The following CLRN1 variants were observed in gnomAD, a reference collection of about 807,000 sequenced individuals.
CLRN1 encodes the protein clarin-1.
CLRN1 carries 15 observed loss-of-function variants against 18.7 expected under a neutral mutation model. The observed-to-expected ratio is 0.80, with a 90% CI of 0.54 to 1.23. CLRN1 has a LOEUF of 1.23. CLRN1 is among the 50% of genes most tolerant of loss of function. The pLI is 0.00. For missense variants in CLRN1, 311 were observed against 277.5 expected (o/e 1.12, Z -0.86); for synonymous variants, 104 against 102.9 (o/e 1.01, Z -0.07).
intron 1 of CLRN1, among the ~76,000 whole-genome samples, chr3:150,941,978 T>C (rs1280278888): frequency 6.6e-6 from 1 of 152,152 alleles, no homozygotes; most frequent in Admixed American, 6.5e-5. Flanking sequence ...AAAGAGGAGA[T>C]TTGAGGTAAT....
intron 1 of CLRN1, among the ~76,000 whole-genome samples, chr3:150,953,269 T>C (rs1714579300): frequency 6.6e-6 from 1 of 152,212 alleles, no homozygotes; most frequent in South Asian, 2.1e-4. Context: ...AAGGGAGTTA[T>C]TTATTACAAC....
At position 150,927,610 on chromosome 3, in the gene CLRN1, C is replaced by T; in HGVS notation, c.*326G>A. ...AATATATTCCATGTGCCTTTGATAT[C>T]TTTTTGATAGGAAGACATCTTACAC... On this transcript the variant is annotated 3_prime_UTR_variant, in exon 3 of 3. Coordinates refer to ENST00000327047, the MANE Select transcript of CLRN1 (RefSeq NM_174878.3). The T allele has an allele frequency of 2.0e-6, 1 of 496,404 alleles. No homozygotes were observed. The highest frequency in any genetic ancestry group is 3.9e-6 in the Non-Finnish European group (1 of 258,076). The allele number at this position is 496,404 out of a possible 1,614,324, so 30.7% of individuals were successfully genotyped here.
intron 2 of CLRN1, among the ~76,000 whole-genome samples, chr3:150,939,480 G>T (rs1423327098): frequency 6.6e-6 from 1 of 152,154 alleles, no homozygotes; most frequent in African/African-American, 2.4e-5. Flanking sequence ...TTGTTTGTCA[G>T]TCCACCAACA....
intron 2 of CLRN1, among the ~76,000 whole-genome samples, chr3:150,934,994 A>T (rs1228950248): frequency 6.6e-6 from 1 of 152,012 alleles, no homozygotes; most frequent in Non-Finnish European, 1.5e-5. Context: ...TGGGACACTC[A>T]TAATCTCCCA....
Position 150,928,182 on chromosome 3 carries a change from G to A in CLRN1, c.453C>T (p.Val151=), listed in dbSNP as rs760214312. The A allele has an allele frequency of 1.2e-6, 2 of 1,613,896 alleles. No individual in the cohort carries two copies. Among genetic ancestry groups the A allele is most frequent in the Admixed American group, 3.3e-5 (2 of 60,000 alleles). The change falls in exon 3 of 3, where the codon GTC becomes GTT. Residue 151 remains valine (V), a synonymous_variant. Coordinates refer to ENST00000327047, the MANE Select transcript of CLRN1 (RefSeq NM_174878.3). ...TCACTTCAGAGGCAAACAATATCAT[G>A]ACAAGACAGCCACAGGAGCCTGCAA... The part of the protein sequence containing the change: ...SFISGSCGCL[V]MILFASEVKI...
rs764099313 is a variant in CLRN1, at chr3:150,941,659, A to G, written c.356T>C (p.Phe119Ser). 1.3e-5 allele frequency: 21 copies of G among 1,614,080 alleles called. No homozygotes were observed. In the South Asian group the frequency reaches 2.2e-4, roughly 17 times the overall value. The change falls in exon 2 of 3, where the codon TTC becomes TCC. Residue 119 changes from phenylalanine to serine, a missense_variant. Phe to Ser is a radical substitution (Grantham distance 155, BLOSUM62 -2). Transcript: ENST00000327047. ...AGGTTTTCCAAAAGCATTGTACATG[A>G]AGAAGGCTGTCCCCACCATGGTTAA... ...IVLTMVGTAF[F>S]MYNAFGKPFE...
Position 150,927,800 on chromosome 3 carries a change from C to A in CLRN1, c.*136G>T, listed in dbSNP as rs768481587. On this transcript the variant is annotated 3_prime_UTR_variant, in exon 3 of 3. Transcript: ENST00000327047. ...TACTTTCCAGCCTGTATCCTTAGTA[C>A]GTAATTTGTAAACATTGTCACGAAG... The A allele has an allele frequency of 4.5e-6, 5 of 1,109,554 alleles. No individual in the cohort carries two copies. Among genetic ancestry groups the A allele is most frequent in the Non-Finnish European group, 6.8e-6 (5 of 740,528 alleles). The allele number at this position is 1,109,554 out of a possible 1,614,324, so 68.7% of individuals were successfully genotyped here. A position where few individuals can be genotyped will look rare whatever the true frequency, so the allele number is the denominator to read the frequency against.
At chr3:150,957,043 C>G (rs1360275736) in intron 1 of CLRN1, among the ~76,000 whole-genome samples, 1 of 152,138 alleles carries the variant, frequency 6.6e-6, no homozygotes, top group Non-Finnish European at 1.5e-5. Flanking sequence ...CCCAACCTTC[C>G]CTTTATTCTT....
At chr3:150,952,390 AT>A (rs985535738) in intron 1 of CLRN1, among the ~76,000 whole-genome samples, 2 of 152,264 alleles carry the variant, frequency 1.3e-5, no homozygotes, top group African/African-American at 4.8e-5. Context: ...TTGCCAGGTG[AT>A]TTGGCTCAGC....
intron 2 of CLRN1, among the ~76,000 whole-genome samples, chr3:150,929,156 T>C (rs796734443): frequency 1.3e-5 from 2 of 152,348 alleles, no homozygotes; most frequent in African/African-American, 4.8e-5. Context: ...TTATTATTTT[T>C]CCCCCTCATC....
intron 1 of CLRN1, among the ~76,000 whole-genome samples, chr3:150,943,507 T>C (rs1271523154): frequency 6.6e-6 from 1 of 152,152 alleles, no homozygotes; most frequent in Non-Finnish European, 1.5e-5. Context: ...GACCTGCCCT[T>C]CCCATTCCCT....
rs115449231 is a variant in CLRN1 at position 150,937,031 on chromosome 3, A to G, written c.433+4551T>C. Among the ~76,000 whole-genome samples the G allele has an allele frequency of 3.7e-3, 558 of 152,230 alleles. 2 individuals are homozygous for G. Among genetic ancestry groups the G allele is most frequent in the African/African-American group, 0.013 (533 of 41,540 alleles). On this transcript the variant is annotated intron_variant, in intron 2 of 2. Transcript: ENST00000327047. Reference sequence around the variant, plus strand: ...TCATAGCAACTTGTTTATCACCCTCATTGTAATTATTGCAAACTGTAATCA... The same window carrying G: ...TCATAGCAACTTGTTTATCACCCTCGTTGTAATTATTGCAAACTGTAATCA...
At chr3:150,961,131 A>AC (rs1196649712) in intron 1 of CLRN1, among the ~76,000 whole-genome samples, 4 of 151,318 alleles carry the variant, frequency 2.6e-5, no homozygotes, top group East Asian at 3.9e-4. Context: ...TGATCAGAAA[A>AC]CCCCCCAACT....
At chr3:150,942,820 C>T (rs1226209020) in intron 1 of CLRN1, among the ~76,000 whole-genome samples, 1 of 152,204 alleles carries the variant, frequency 6.6e-6, no homozygotes, top group Non-Finnish European at 1.5e-5. Flanking sequence ...ATTGCTTTGA[C>T]CTCCTGAATA....
At chr3:150,938,171 C>T (rs1713604804) in intron 2 of CLRN1, among the ~76,000 whole-genome samples, 1 of 152,182 alleles carries the variant, frequency 6.6e-6, no homozygotes, top group African/African-American at 2.4e-5. Flanking sequence ...TTTTTCTTCT[C>T]TGCTGACAGT....
intron 1 of CLRN1, among the ~76,000 whole-genome samples, chr3:150,949,532 A>T (rs1714375788): frequency 6.6e-6 from 1 of 152,190 alleles, no homozygotes; most frequent in Admixed American, 6.5e-5. Flanking sequence ...AAAAATCACT[A>T]GCATTCCTAT....
chr3:150,966,479 A>C (rs1329663560), intron 1 of CLRN1, among the ~76,000 whole-genome samples: 1 of 152,228 alleles, frequency 6.6e-6, no homozygotes, highest in East Asian at 1.9e-4. Context: ...TGGAGGAAGC[A>C]GGATGTCAGC....
chr3:150,943,572 C>T (rs1184431615), intron 1 of CLRN1, among the ~76,000 whole-genome samples: 2 of 152,224 alleles, frequency 1.3e-5, no homozygotes, highest in African/African-American at 2.4e-5. Flanking sequence ...TCTGCATTCA[C>T]CATCCTTCAG....
intron 2 of CLRN1, among the ~76,000 whole-genome samples, chr3:150,934,088 C>A (rs753255678): frequency 6.6e-6 from 1 of 152,038 alleles, no homozygotes; most frequent in African/African-American, 2.4e-5. Flanking sequence ...TAAGGATTGG[C>A]GTAGAGATAA....
Sources: gnomAD v4.1 joint callset for allele counts (sites outside exome capture counted in the v4.1 genomes callset) on GRCh38, gnomAD v4.1.1 for gene constraint, MANE v1.5 for transcripts, NCBI Gene and HGNC (gene_info 2026-07-23, HGNC 2026-07-21) for gene names.